Variants in RORA observed in about 807,000 individuals in gnomAD.
The protein encoded by RORA is nuclear receptor ROR-alpha.
In RORA, 7 loss-of-function variants were observed where a neutral mutation model predicts 69.5. The ratio of observed to expected loss-of-function variants is 0.10; its 90% CI spans 0.06 to 0.19. The LOEUF (loss-of-function observed/expected upper bound fraction) is 0.19, where lower values mean the gene tolerates loss of function less well. Ranked by LOEUF, RORA falls within the 10% of genes least tolerant of loss-of-function variation. The pLI is 1.00. For synonymous variants in RORA, 261 were observed against 240.8 expected (o/e 1.08, Z -0.78); for missense variants, 457 against 663.0 (o/e 0.69, Z 3.41).
intron 1 of RORA, among the ~76,000 whole-genome samples, chr15:60,754,296 G>C (rs1460261956): frequency 6.6e-6 from 1 of 152,048 alleles, no homozygotes; most frequent in Non-Finnish European, 1.5e-5. Context: ...TGGAGGTTTC[G>C]TTGTGCATTC....
At chr15:61,024,098 A>C (rs112382873) in intron 1 of RORA, among the ~76,000 whole-genome samples, 285 of 152,154 alleles carry the variant, frequency 1.9e-3, no homozygotes, top group Middle Eastern at 6.8e-3. Flanking sequence ...AATATGCACA[A>C]CACCAAGAGA....
At chr15:60,636,473 C>T (rs1421488683) in intron 2 of RORA, among the ~76,000 whole-genome samples, 1 of 152,146 alleles carries the variant, frequency 6.6e-6, no homozygotes, top group Non-Finnish European at 1.5e-5. Context: ...ATCTAGCAAT[C>T]TGCCCTCTGG....
At chr15:60,716,704 AAG>A (rs776630096) in intron 1 of RORA, among the ~76,000 whole-genome samples, 3 of 152,002 alleles carry the variant, frequency 2.0e-5, no homozygotes, top group Non-Finnish European at 4.4e-5. Flanking sequence ...TGTAGGTTTT[AAG>A]ACCCTCCTCA....
chr15:60,751,357 T>A (rs935790879), intron 1 of RORA, among the ~76,000 whole-genome samples: 3 of 152,230 alleles, frequency 2.0e-5, no homozygotes, highest in Non-Finnish European at 4.4e-5. Context: ...CGGATCACCA[T>A]CATTAGTATC....
At chr15:60,675,780 A>G (rs1295936313) in intron 2 of RORA, among the ~76,000 whole-genome samples, 1 of 152,214 alleles carries the variant, frequency 6.6e-6, no homozygotes, top group African/African-American at 2.4e-5. Flanking sequence ...ACAACTATTC[A>G]GGCTCATTTT....
At chr15:60,750,377 A>G (rs778173067) in intron 1 of RORA, among the ~76,000 whole-genome samples, 10 of 152,248 alleles carry the variant, frequency 6.6e-5, no homozygotes, top group Non-Finnish European at 1.0e-4. Flanking sequence ...TTCATGTCAA[A>G]TGAAGTGACA....
intron 1 of RORA, among the ~76,000 whole-genome samples, chr15:61,184,207 C>T (rs1445589300): frequency 6.6e-6 from 1 of 152,180 alleles, no homozygotes; most frequent in Non-Finnish European, 1.5e-5. Flanking sequence ...CATTTGCAAC[C>T]ATGTGTCTAT....
intron 1 of RORA, among the ~76,000 whole-genome samples, chr15:60,734,793 C>T (rs2071477175): frequency 1.3e-5 from 2 of 152,186 alleles, no homozygotes. Context: ...CATGTAGAGA[C>T]TTTGAAGTGA....
At position 60,886,385 on chromosome 15, in the gene RORA, G is replaced by T. The variant is rs76021276; in HGVS notation, c.167-207699C>A. Among the ~76,000 whole-genome samples the T allele has an allele frequency of 8.4e-3, 1,285 of 152,312 alleles. 19 individuals carry two copies. The highest frequency in any genetic ancestry group is 0.029 in the African/African-American group (1,221 of 41,566). On this transcript the variant is annotated intron_variant, in intron 1 of 10. Coordinates refer to ENST00000335670, the MANE Select transcript of RORA (RefSeq NM_134261.3). ...CCCGGTCCTACAGCTCACGAGGGCT[G>T]AGGCAGTAACTAGGTCTCAAAGGCT... is the stretch of plus-strand genomic sequence containing the variant.
chr15:61,090,666 C>A (rs1211624681), intron 1 of RORA, among the ~76,000 whole-genome samples: 2 of 152,134 alleles, frequency 1.3e-5, no homozygotes, highest in Admixed American at 6.5e-5. Context: ...CAGCCAAAAT[C>A]CATCTATACT....
At chr15:60,716,581 A>G (rs973596609) in intron 1 of RORA, among the ~76,000 whole-genome samples, 3 of 152,052 alleles carry the variant, frequency 2.0e-5, no homozygotes, top group African/African-American at 7.2e-5. Context: ...CCTTTGTTAC[A>G]GTCTTGTTAT....
chr15:61,073,490 G>A (rs1446126225), intron 1 of RORA, among the ~76,000 whole-genome samples: 1 of 152,138 alleles, frequency 6.6e-6, no homozygotes, highest in Non-Finnish European at 1.5e-5. Context: ...CAAATGGCAT[G>A]AACTGCCTAG....
intron 1 of RORA, among the ~76,000 whole-genome samples, chr15:61,141,178 A>G (rs1410106728): frequency 2.0e-5 from 3 of 152,236 alleles, no homozygotes; most frequent in Admixed American, 1.3e-4. Context: ...TTTATAGACC[A>G]TACAAAGAGG....
chr15:60,727,245 C>T (rs2140832928), intron 1 of RORA, among the ~76,000 whole-genome samples: 1 of 152,140 alleles, frequency 6.6e-6, no homozygotes, highest in South Asian at 2.1e-4. Flanking sequence ...CTTGTGCCTC[C>T]TTCCCCTTCT....
chr15:60,871,174 A>T (rs2073551093), intron 1 of RORA, among the ~76,000 whole-genome samples: 1 of 152,254 alleles, frequency 6.6e-6, no homozygotes, highest in African/African-American at 2.4e-5. Context: ...GGTTGGAGAT[A>T]TCCAGGCAAC....
At chr15:61,145,052 C>CT (rs757968300) in intron 1 of RORA, among the ~76,000 whole-genome samples, 1 of 152,092 alleles carries the variant, frequency 6.6e-6, no homozygotes, top group East Asian at 1.9e-4. Context: ...TAAAAGAAGC[C>CT]TTTTTTTGTT....
chr15:60,967,459 C>A (rs1893587192), intron 1 of RORA, among the ~76,000 whole-genome samples: 1 of 152,220 alleles, frequency 6.6e-6, no homozygotes, highest in African/African-American at 2.4e-5. Context: ...TGCCCATGTC[C>A]CTGGTTATGT....
intron 1 of RORA, among the ~76,000 whole-genome samples, chr15:61,160,749 C>A (rs1275478446): frequency 6.6e-6 from 1 of 152,154 alleles, no homozygotes; most frequent in East Asian, 1.9e-4. Flanking sequence ...ATGGAGAATT[C>A]TCTGGGAAAT....
chr15:60,654,441 C>T (rs974802590), intron 2 of RORA, among the ~76,000 whole-genome samples: 3 of 152,158 alleles, frequency 2.0e-5, no homozygotes, highest in Admixed American at 2.0e-4. Context: ...AAACCCATCC[C>T]ACTTCTCCCT....
Sources: gnomAD v4.1 joint callset for allele counts (sites outside exome capture counted in the v4.1 genomes callset) on GRCh38, gnomAD v4.1.1 for gene constraint, MANE v1.5 for transcripts, NCBI Gene and HGNC (gene_info 2026-07-23, HGNC 2026-07-21) for gene names.